The following RC3H1 variants were observed in gnomAD, a reference collection of about 807,000 sequenced individuals.
RC3H1 encodes ring finger and CCCH-type domains 1.
A neutral mutation model predicts 138.2 loss-of-function variants in RC3H1; 50 were observed. The ratio of observed to expected loss-of-function variants is 0.36; its 90% CI spans 0.29 to 0.46. RC3H1 has a LOEUF of 0.46. Ranked by LOEUF, RC3H1 falls within the 20% of genes least tolerant of loss-of-function variation. RC3H1 has a pLI of 1.00. For synonymous variants in RC3H1, 462 were observed against 489.1 expected (o/e 0.94, Z 0.73); for missense variants, 1,031 against 1,388.1 (o/e 0.74, Z 4.09).
intron 2 of RC3H1, among the ~76,000 whole-genome samples, chr1:173,985,480 T>G (rs1346116246): frequency 6.6e-6 from 1 of 152,210 alleles, no homozygotes; most frequent in Non-Finnish European, 1.5e-5. Flanking sequence ...TTATTATAGC[T>G]ATCCTGTTGG....
chr1:173,982,320 A>G (rs1041601373), intron 5 of RC3H1, among the ~76,000 whole-genome samples: 3 of 151,044 alleles, frequency 2.0e-5, no homozygotes, highest in Non-Finnish European at 4.4e-5. Flanking sequence ...TGGAGGTTGC[A>G]GTGAGCCGAG....
In RC3H1 at chr1:173,932,029, A is replaced by G. The variant is rs1658400075; in HGVS notation, c.*6692T>C. ...GGTAAGTCTACCACTGATTTATAAG[A>G]GCAGGAGTATAAATTCTATCCAAAA... On this transcript the variant is annotated 3_prime_UTR_variant, in exon 20 of 20. Transcript: ENST00000367696. The G allele has an allele frequency of 6.6e-6, 1 of 152,130 alleles. No individual in the cohort carries two copies. The highest frequency in any genetic ancestry group is 1.5e-5 in the Non-Finnish European group (1 of 67,992). 9.4% of individuals were successfully genotyped at this position (152,130 alleles called of 1,614,324 possible).
At chr1:173,979,083 A>C (rs1307910432) in intron 6 of RC3H1, among the ~76,000 whole-genome samples, 2 of 152,226 alleles carry the variant, frequency 1.3e-5, no homozygotes, top group East Asian at 3.8e-4. Context: ...CCGTTGCAAA[A>C]GTCACATTTC....
At chr1:173,945,117 A>T (rs924398048) in intron 17 of RC3H1, among the ~76,000 whole-genome samples, 1 of 147,274 alleles carries the variant, frequency 6.8e-6, no homozygotes, top group Admixed American at 6.7e-5. Context: ...AAAAGATTTT[A>T]AAAATTCCTT....
intron 2 of RC3H1, among the ~76,000 whole-genome samples, chr1:173,988,462 C>T (rs145988404): frequency 2.6e-5 from 4 of 152,102 alleles, no homozygotes; most frequent in Non-Finnish European, 4.4e-5. Context: ...ATGGATATAC[C>T]ACTGTTTATC....
intron 1 of RC3H1, among the ~76,000 whole-genome samples, chr1:173,999,378 C>CAAA (rs11299661): frequency 7.3e-5 from 8 of 110,314 alleles, no homozygotes; most frequent in African/African-American, 4.0e-4. Flanking sequence ...AAAACTCCAC[C>CAAA]AAAAAAAAAA....
intron 13 of RC3H1, among the ~76,000 whole-genome samples, chr1:173,957,591 C>T (rs900612044): frequency 6.6e-6 from 1 of 152,072 alleles, no homozygotes. Flanking sequence ...TCTTTGTTAC[C>T]CAGGCTGGAG....
chr1:173,960,107 C>CAAAAAAA (rs58330993), intron 13 of RC3H1, among the ~76,000 whole-genome samples: 1 of 51,102 alleles, frequency 2.0e-5, no homozygotes, highest in African/African-American at 7.0e-5. Context: ...GACTCCGACT[C>CAAAAAAA]AAAAAAAAAA....
At chr1:173,940,261 C>T (rs1286934534) in intron 19 of RC3H1, among the ~76,000 whole-genome samples, 3 of 152,054 alleles carry the variant, frequency 2.0e-5, no homozygotes, top group African/African-American at 7.2e-5. Flanking sequence ...CACCTGAGGT[C>T]GGGAGTTTCA....
chr1:173,961,922 G>T lies in RC3H1; in HGVS notation c.2005C>A (p.His669Asn). 6.2e-7 allele frequency: 1 copy of T among 1,613,938 alleles called. No individual in the cohort carries two copies. The highest frequency in any genetic ancestry group is 1.6e-4 in the Middle Eastern group (1 of 6,062). ...GGGTACACTCGACGGCCATCATAGT[G>T]AGATGGGTATATAGGTGGGTACTGC... The part of the protein sequence containing the change: ...PQQYPPIYPS[H>N]YDGRRVYPAP... Residue 669 changes from histidine (H) to asparagine (N), a missense_variant, in exon 12 of 20, where the codon CAC becomes AAC. By Grantham distance (68) the His-to-Asn change is moderately conservative. This residue lies in a region of RC3H1 where 716 missense variants were observed against 837.9 expected (regional missense o/e 0.85). Coordinates refer to ENST00000367696, the MANE Select transcript of RC3H1 (RefSeq NM_172071.4).
intron 19 of RC3H1, among the ~76,000 whole-genome samples, chr1:173,940,289 T>G (rs978931736): frequency 6.6e-6 from 1 of 152,102 alleles, no homozygotes; most frequent in East Asian, 1.9e-4. Context: ...CTGACCAACA[T>G]GGAGAAACCC....
intron 1 of RC3H1, among the ~76,000 whole-genome samples, chr1:174,008,133 GAAACA>G (rs1661685928): frequency 6.6e-6 from 1 of 152,050 alleles, no homozygotes; most frequent in Non-Finnish European, 1.5e-5. Flanking sequence ...ACTAATTCTA[GAAACA>G]TGTAGATGTA....
chr1:174,009,618 C>T (rs753462268), intron 1 of RC3H1, among the ~76,000 whole-genome samples: 4 of 152,126 alleles, frequency 2.6e-5, no homozygotes, highest in Non-Finnish European at 5.9e-5. Context: ...GTGGGCAGAT[C>T]ACTTGAGGTT....
rs777816646 is a variant in RC3H1 at position 173,992,842 on chromosome 1, C to T, written c.144G>A (p.Lys48=). The T allele has an allele frequency of 6.2e-7, 1 of 1,614,156 alleles. No individual in the cohort carries two copies. Among genetic ancestry groups the T allele is most frequent in the Non-Finnish European group, 8.5e-7 (1 of 1,180,040 alleles). The change falls in exon 2 of 20, where the codon AAG becomes AAA. Residue 48 remains lysine, a synonymous_variant. Transcript: ENST00000367696. The part of the protein sequence containing the change: ...CKMCLNKLHR[K]ACPFDQTTIN... The stretch of plus-strand genomic sequence containing the variant: ...TAGTGGTCTGGTCAAATGGGCAAGC[C>T]TTGCGGTGGAGTTTATTCAGGCACA...
chr1:173,936,783 A>AAAAAAAAC lies in RC3H1; in HGVS notation c.*1937_*1938insGTTTTTTT. On this transcript the variant is annotated 3_prime_UTR_variant, in exon 20 of 20. Coordinates refer to ENST00000367696, the MANE Select transcript of RC3H1 (RefSeq NM_172071.4). ...TATATTTTTTTTTTTTTTTTTAAAAAAAGAAGACAAATGTATAAGAAAACT... is the reference window on the plus strand; with the variant it reads ...TATATTTTTTTTTTTTTTTTTAAAAAAAAAAAACAAGAAGACAAATGTATAAGAAAACT... 7.1e-6 allele frequency: 1 copy of AAAAAAAAC among 141,404 alleles called. No homozygotes were observed. The highest frequency in any genetic ancestry group is 2.6e-5 in the African/African-American group (1 of 38,614). 8.8% of individuals were successfully genotyped at this position (141,404 alleles called of 1,614,324 possible).
In RC3H1 at chr1:173,971,020, G is replaced by A. The variant is rs190943776; in HGVS notation, c.1222-403C>T. On this transcript the variant is annotated intron_variant, in intron 8 of 19. Transcript: ENST00000367696. ...TCTGTTGCCCGGGCTGGAGGGCAGC[G>A]GCGCAATCTTGGCTCACTGCAACTT... Among the ~76,000 whole-genome samples the A allele has an allele frequency of 1.1e-4, 16 of 149,984 alleles. No homozygotes were observed. The East Asian group carries it at 1.8e-3, about 17-fold the overall frequency.
intron 2 of RC3H1, among the ~76,000 whole-genome samples, chr1:173,987,282 C>A (rs996955004): frequency 1.3e-5 from 2 of 152,060 alleles, no homozygotes; most frequent in Non-Finnish European, 2.9e-5. Context: ...GAATTCTGCA[C>A]GGGAGATTTG....
chr1:173,999,543 A>T (rs1430966444), intron 1 of RC3H1, among the ~76,000 whole-genome samples: 1 of 152,258 alleles, frequency 6.6e-6, no homozygotes, highest in Non-Finnish European at 1.5e-5. Context: ...AAAATAACAA[A>T]TAACTACATA....
intron 1 of RC3H1, among the ~76,000 whole-genome samples, chr1:173,995,213 C>G (rs1403282105): frequency 6.6e-6 from 1 of 151,998 alleles, no homozygotes; most frequent in Non-Finnish European, 1.5e-5. Context: ...AACAGCATAA[C>G]CATAGATTCT....
Sources: gnomAD v4.1 joint callset for allele counts (sites outside exome capture counted in the v4.1 genomes callset) on GRCh38, gnomAD v4.1.1 for gene constraint, gnomAD v4.1.1 regional missense constraint, MANE v1.5 for transcripts, NCBI Gene and HGNC (gene_info 2026-07-23, HGNC 2026-07-21) for gene names.